The following NAV1 variants were observed in gnomAD, a reference collection of about 807,000 sequenced individuals.
NAV1 encodes the protein pore membrane and/or filament interacting like protein 3.
Under a neutral mutation model 175.2 loss-of-function variants are expected in NAV1, and 18 were observed. The ratio of observed to expected loss-of-function variants is 0.10; its 90% CI spans 0.07 to 0.15. The LOEUF is 0.15. NAV1 is among the 10% of genes least tolerant of loss of function. The pLI, the probability that NAV1 is intolerant of heterozygous loss-of-function variation, is 1.00. For missense variants in NAV1, 1,731 were observed against 2,436.6 expected (o/e 0.71, Z 6.10); for synonymous variants, 897 against 978.7 (o/e 0.92, Z 1.56).
chr1:201,612,124 G>A (rs928180457), intron 2 of NAV1, among the ~76,000 whole-genome samples: 1 of 152,036 alleles, frequency 6.6e-6, no homozygotes, highest in African/African-American at 2.4e-5. Flanking sequence ...GTCCATTCAG[G>A]TTGCTATAAC....
chr1:201,578,597 G>A (rs944609131), intron 1 of NAV1, among the ~76,000 whole-genome samples: 1 of 152,158 alleles, frequency 6.6e-6, no homozygotes, highest in Non-Finnish European at 1.5e-5. Context: ...ATTACCAGGA[G>A]GAGGGGATGG....
At chr1:201,717,254 T>C (rs931950680) in intron 2 of NAV1, among the ~76,000 whole-genome samples, 7 of 152,362 alleles carry the variant, frequency 4.6e-5, no homozygotes, top group Admixed American at 3.9e-4. Flanking sequence ...CAGTGATTGC[T>C]TGGGCTCATG....
intron 3 of NAV1, among the ~76,000 whole-genome samples, chr1:201,758,191 G>A (rs1419960046): frequency 1.3e-5 from 2 of 152,240 alleles, no homozygotes; most frequent in African/African-American, 4.8e-5. Flanking sequence ...AGAATGGGCA[G>A]TCCAAAAAGA....
In NAV1 at chr1:201,694,171, G is replaced by A. The variant is rs1671086511; in HGVS notation, c.758-18646G>A. ...GCCAGTCAGTGCTGAGCAAAGGAGGGTGCCAGAACACGGAGAGCTGGAGGG... is the reference window on the plus strand; with the variant it reads ...GCCAGTCAGTGCTGAGCAAAGGAGGATGCCAGAACACGGAGAGCTGGAGGG... On this transcript the variant is annotated intron_variant, in intron 1 of 29. Coordinates refer to ENST00000367296, the Ensembl canonical transcript of NAV1. The surrounding 1 kb of genome is among the most constrained non-coding windows in gnomAD (Gnocchi z 4.2). Among the ~76,000 whole-genome samples the A allele has an allele frequency of 6.6e-6, 1 of 152,240 alleles. No homozygotes were observed. The highest frequency in any genetic ancestry group is 2.4e-5 in the African/African-American group (1 of 41,466).
chr1:201,728,946 C>A (rs1277321661), intron 3 of NAV1, among the ~76,000 whole-genome samples: 1 of 152,210 alleles, frequency 6.6e-6, no homozygotes, highest in Non-Finnish European at 1.5e-5. Context: ...GTGCTCCTTC[C>A]TCTAGTGTGT....
exon 9 of NAV1, chr1:201,786,547 C>T (rs758579089): frequency 1.1e-5 from 18 of 1,613,786 alleles, no homozygotes; most frequent in Admixed American, 1.7e-5. Context: ...TCCCATGTCT[C>T]TGAGTGCAAA....
chr1:201,748,697 G>T (rs1366738441), intron 3 of NAV1, among the ~76,000 whole-genome samples: 1 of 152,180 alleles, frequency 6.6e-6, no homozygotes, highest in East Asian at 1.9e-4. Context: ...GAGTCCACAA[G>T]ACCTTGGAAA....
chr1:201,579,470 C>T (rs1457176662), intron 1 of NAV1, among the ~76,000 whole-genome samples: 1 of 152,140 alleles, frequency 6.6e-6, no homozygotes, highest in Non-Finnish European at 1.5e-5. Flanking sequence ...ATTCTCATGC[C>T]TCAGCCTCCC....
intron 2 of NAV1, among the ~76,000 whole-genome samples, chr1:201,606,166 G>A (rs1440123372): frequency 6.6e-6 from 1 of 152,192 alleles, no homozygotes; most frequent in African/African-American, 2.4e-5. Flanking sequence ...GAGAAGAAAG[G>A]TGAGACAGCT....
intron 15 of NAV1, among the ~76,000 whole-genome samples, chr1:201,800,666 C>T (rs1222939728): frequency 2.0e-5 from 3 of 151,904 alleles, no homozygotes; most frequent in African/African-American, 7.3e-5. Context: ...CCTGAGTCAC[C>T]CCTTCAAATC....
Position 201,808,766 on chromosome 1 carries a change from G to A in NAV1, c.4102G>A (p.Gly1368Ser). The A allele has an allele frequency of 1.2e-6, 2 of 1,614,168 alleles. No individual in the cohort carries two copies. The highest frequency in any genetic ancestry group is 1.1e-5 in the South Asian group (1 of 91,084). ...GAAGGTAGCCCCAGGCCCCTCATCA[G>A]GCTCCACTCCAGGGCAGGTCCCTGG... Residue 1368 changes from glycine to serine, a missense_variant, in exon 20 of 30, where the codon GGC becomes AGC. Physicochemically the swap from Gly to Ser is moderately conservative, Grantham distance 56. Coordinates refer to ENST00000367296, the Ensembl canonical transcript of NAV1. This position sits in a 1 kb window ranked among gnomAD's most constrained non-coding sequence, Gnocchi z 5.5.
At chr1:201,660,151 C>T (rs561704953) in intron 1 of NAV1, among the ~76,000 whole-genome samples, 1 of 152,128 alleles carries the variant, frequency 6.6e-6, no homozygotes, top group African/African-American at 2.4e-5. Context: ...CTGCAGCACC[C>T]GGGAAAGAGA....
intron 2 of NAV1, among the ~76,000 whole-genome samples, chr1:201,592,335 G>T (rs1240117791): frequency 6.6e-6 from 1 of 152,202 alleles, no homozygotes; most frequent in Non-Finnish European, 1.5e-5. Context: ...CTCATAGTCT[G>T]CTGGCAAAGG....
chr1:201,794,571 C>T (rs1049788888), exon 15 of NAV1: 2 of 1,613,268 alleles, frequency 1.2e-6, no homozygotes, highest in South Asian at 1.1e-5. Flanking sequence ...AGAAACCACA[C>T]CCAAAGGTAG....
Position 201,623,811 on chromosome 1 carries a change from C to T in NAV1, c.-101+205C>T, listed in dbSNP as rs146398627. Among the ~76,000 whole-genome samples, 496 of 152,292 alleles carry T rather than the reference C, an allele frequency of 3.3e-3. 3 individuals are homozygous for T. The highest frequency in any genetic ancestry group is 0.011 in the African/African-American group (445 of 41,566). On this transcript the variant is annotated intron_variant, in intron 1 of 29. Transcript: ENST00000367302. ...ATGGGATTGGGACCATAAAAGGGGA[C>T]GCTGACTGAAGCTCTGATCTTTCTC... is the stretch of plus-strand genomic sequence containing the variant.
At chr1:201,744,995 A>G (rs1168228067) in intron 3 of NAV1, among the ~76,000 whole-genome samples, 3 of 152,174 alleles carry the variant, frequency 2.0e-5, no homozygotes, top group African/African-American at 7.2e-5. Flanking sequence ...GCTCACGTTT[A>G]GTTCATGGAA....
chr1:201,657,729 G>A (rs968779914), intron 1 of NAV1, among the ~76,000 whole-genome samples: 2 of 152,172 alleles, frequency 1.3e-5, no homozygotes, highest in Admixed American at 1.3e-4. Flanking sequence ...GGAAACTGAG[G>A]CACTGAAATA....
chr1:201,640,035 T>C (rs1281642921), intron 2 of NAV1, among the ~76,000 whole-genome samples: 1 of 152,134 alleles, frequency 6.6e-6, no homozygotes, highest in Non-Finnish European at 1.5e-5. Context: ...CCCACCCTTC[T>C]GGAAGCTCCC....
At chr1:201,706,062 C>A (rs1671653708) in intron 1 of NAV1, among the ~76,000 whole-genome samples, 1 of 152,098 alleles carries the variant, frequency 6.6e-6, no homozygotes, top group South Asian at 2.1e-4. Flanking sequence ...AGGTTTGTGT[C>A]CTTGAGTGGA....
Sources: gnomAD v4.1 joint callset for allele counts (sites outside exome capture counted in the v4.1 genomes callset) on GRCh38, gnomAD v4.1.1 for gene constraint, Gnocchi (gnomAD v3.1) non-coding constraint, MANE v1.5 for transcripts, NCBI Gene and HGNC (gene_info 2026-07-23, HGNC 2026-07-21) for gene names.